The following LRCH2 variants were observed in gnomAD, a reference collection of about 807,000 sequenced individuals.
LRCH2 encodes leucine rich repeats and calponin homology domain containing 2, also known as leucine-rich repeat and calponin homology domain-containing protein 2.
A neutral mutation model predicts 68.9 loss-of-function variants in LRCH2; 38 were observed. The ratio of observed to expected loss-of-function variants is 0.55; its 90% CI spans 0.43 to 0.72. The LOEUF (loss-of-function observed/expected upper bound fraction) is 0.72, where lower values mean the gene tolerates loss of function less well. Ranked by LOEUF, LRCH2 falls within the 30% of genes least tolerant of loss-of-function variation. The pLI, the probability that LRCH2 is intolerant of heterozygous loss-of-function variation, is 0.00. For missense variants in LRCH2, 528 were observed against 572.9 expected (o/e 0.92, Z 0.80); for synonymous variants, 191 against 208.1 (o/e 0.92, Z 0.71).
chrX:115,190,546 G>C (rs1297229228), intron 1 of LRCH2: 1 of 1,158,876 alleles, frequency 8.6e-7, no homozygotes, highest in South Asian at 1.9e-5. Context: ...CTATAGTGGG[G>C]GCCGCAGCAG....
At chrX:115,195,402 A>G (rs2072880157) in intron 1 of LRCH2, among the ~76,000 whole-genome samples, 1 of 108,964 alleles carries the variant, frequency 9.2e-6, no homozygotes, top group Non-Finnish European at 1.9e-5. Flanking sequence ...GCTATCAGGA[A>G]GGCCAACACT....
chrX:115,192,308 C>T lies in LRCH2; in HGVS notation c.350-3938G>A, dbSNP rs183155341. 9.3e-4 allele frequency: 1,082 copies of T among 1,157,611 alleles called. 4 individuals are homozygous for T. In the African/African-American group the frequency reaches 0.017, roughly 18 times the overall value. ...CGCTACGAGGAGTACCGAGGCCCCT[C>T]GCCTGACGCCCACAGTGGGGGCCGC... is the stretch of plus-strand genomic sequence containing the variant. On this transcript the variant is annotated intron_variant, in intron 1 of 20. Coordinates refer to ENST00000317135, the MANE Select transcript of LRCH2 (RefSeq NM_020871.4).
chrX:115,117,804 C>A (rs1556524538), intron 20 of LRCH2, among the ~76,000 whole-genome samples: 1 of 110,760 alleles, frequency 9.0e-6, no homozygotes, highest in Non-Finnish European at 1.9e-5. Flanking sequence ...ATTGCAAAGA[C>A]ACATGAGGAA....
chrX:115,166,468 G>T, intron 6 of LRCH2, 126 bp from the exon 7 acceptor site: 1 of 436,491 alleles, frequency 2.3e-6, no homozygotes, highest in Non-Finnish European at 3.9e-6. Flanking sequence ...CTTAATTAGG[G>T]ACATGAGGAG....
rs937496960 is a variant in LRCH2, at chrX:115,156,550, G to A, written c.1529+52C>T. 3.4e-5 allele frequency: 28 copies of A among 830,933 alleles called. No individual in the cohort carries two copies. The Middle Eastern group carries it at 9.3e-4, about 28-fold the overall frequency. 68.5% of individuals were successfully genotyped at this position (830,933 alleles called of 1,213,427 possible). A position where few individuals can be genotyped will look rare whatever the true frequency, so the allele number is the denominator to read the frequency against. Reference sequence around the variant, plus strand: ...ATATACAAAAACATCACTGTCAAAGGATCAATACTCATTATAAAATATTAA... The same window carrying A: ...ATATACAAAAACATCACTGTCAAAGAATCAATACTCATTATAAAATATTAA... On this transcript the variant is annotated intron_variant, in intron 12 of 20. Transcript: ENST00000317135.
At chrX:115,216,309 G>C (rs1246343656) in intron 1 of LRCH2, among the ~76,000 whole-genome samples, 1 of 111,489 alleles carries the variant, frequency 9.0e-6, no homozygotes, top group Admixed American at 9.6e-5. Context: ...GATGAGTGTT[G>C]GGAATATAAA....
intron 1 of LRCH2, among the ~76,000 whole-genome samples, chrX:115,212,611 T>A (rs1017989518): frequency 9.1e-6 from 1 of 110,060 alleles, no homozygotes; most frequent in African/African-American, 3.3e-5. Flanking sequence ...GCAGTGCTAT[T>A]GCCTCAGCCT....
At chrX:115,125,199 G>A in intron 16 of LRCH2, among the ~76,000 whole-genome samples, 1 of 107,789 alleles carries the variant, frequency 9.3e-6, no homozygotes, top group East Asian at 2.9e-4. Flanking sequence ...TTGAGGCCAG[G>A]AGTTCAAGAC....
chrX:115,184,370 ATT>A, intron 3 of LRCH2, 39 bp downstream of exon 3: 3 of 1,015,159 alleles, frequency 3.0e-6, no homozygotes, highest in Non-Finnish European at 3.9e-6. Context: ...ATGTAGATAT[ATT>A]ACGCATATTG....
At chrX:115,167,305 T>C (rs2072571170) in intron 6 of LRCH2, among the ~76,000 whole-genome samples, 1 of 106,128 alleles carries the variant, frequency 9.4e-6, no homozygotes, top group South Asian at 4.1e-4. Context: ...AAGTATCAGG[T>C]ACTATGCTGA....
intron 1 of LRCH2, among the ~76,000 whole-genome samples, chrX:115,199,468 A>G (rs1279217661): frequency 8.9e-6 from 1 of 112,542 alleles, no homozygotes; most frequent in Non-Finnish European, 1.9e-5. Context: ...AAGACAGTCC[A>G]CACAAACAAA....
intron 17 of LRCH2, 110 bp from the exon 18 acceptor site, chrX:115,123,302 C>A: frequency 2.0e-6 from 1 of 497,967 alleles, no homozygotes; most frequent in Non-Finnish European, 3.3e-6. Flanking sequence ...AATATTATTA[C>A]TCACTAATAC....
rs138534719 is a variant in LRCH2 at position 115,142,168 on chromosome X, C to A, written c.1695+7659G>T. On this transcript the variant is annotated intron_variant, in intron 14 of 20. Transcript: ENST00000317135. Reference sequence around the variant, plus strand: ...TACTGGGGCACTCAGATATATAAAGCAAATATTATTGGAGCTCAAGAGAGA... The same window carrying A: ...TACTGGGGCACTCAGATATATAAAGAAAATATTATTGGAGCTCAAGAGAGA... Among the ~76,000 whole-genome samples, 1,048 of 111,613 alleles carry A rather than the reference C, an allele frequency of 9.4e-3. 13 individuals are homozygous for A. Among genetic ancestry groups the A allele is most frequent in the African/African-American group, 0.032 (988 of 30,730 alleles).
intron 1 of LRCH2, 46 bp downstream of exon 1, chrX:115,233,647 G>A: frequency 9.2e-7 from 1 of 1,087,641 alleles, no homozygotes. Context: ...CCCACTCCCC[G>A]CACCTCCTCC....
intron 3 of LRCH2, among the ~76,000 whole-genome samples, chrX:115,182,950 C>T (rs782317061): frequency 4.6e-5 from 5 of 109,665 alleles, no homozygotes; most frequent in African/African-American, 1.7e-4. Context: ...ATGGTAGTCC[C>T]AGGCCCAATG....
In LRCH2 at chrX:115,233,865, C is replaced by T. The variant is rs374887108; in HGVS notation, c.177G>A (p.Pro59=). The T allele has an allele frequency of 6.9e-6, 8 of 1,164,406 alleles. No individual in the cohort carries two copies. The highest frequency in any genetic ancestry group is 2.4e-4 in the Middle Eastern group (1 of 4,097). The change falls in exon 1 of 21, where the codon CCG becomes CCA. Residue 59 remains proline, a synonymous_variant. Transcript: ENST00000317135. ...PIPVPTLFGQ[P]FPNGPPWNPG... ...GGTTCCACGGCGGCCCGTTGGGGAA[C>T]GGCTGACCGAAAAGAGTCGGTACCG...
intron 7 of LRCH2, 136 bp downstream of exon 7, chrX:115,166,119 C>CT: frequency 1.5e-6 from 1 of 652,755 alleles, no homozygotes; most frequent in Non-Finnish European, 2.3e-6. Flanking sequence ...TCAGCATGCC[C>CT]TTTTTTTCAG....
intron 14 of LRCH2, among the ~76,000 whole-genome samples, chrX:115,146,468 T>C (rs782792073): frequency 9.0e-6 from 1 of 111,042 alleles, no homozygotes; most frequent in East Asian, 2.8e-4. Flanking sequence ...AAGGAATAGA[T>C]ACCCCATTCC....
At position 115,113,109 on chromosome X, in the gene LRCH2, AC is replaced by A; in HGVS notation, c.*106del. On this transcript the variant is annotated 3_prime_UTR_variant, in exon 21 of 21. Coordinates refer to ENST00000317135, the MANE Select transcript of LRCH2 (RefSeq NM_020871.4). ...AATTTTTTTAAAATCCTAAGGCGTG[AC>A]CTAAGGCAAACTATTTTTGACGGAA... 3 of 758,650 alleles carry A rather than the reference AC, an allele frequency of 4.0e-6. No homozygotes were observed. The highest frequency in any genetic ancestry group is 5.4e-6 in the Non-Finnish European group (3 of 559,112). The allele number at this position is 758,650 out of a possible 1,213,427, so 62.5% of individuals were successfully genotyped here. A position where few individuals can be genotyped will look rare whatever the true frequency, so the allele number is the denominator to read the frequency against.
Sources: allele counts gnomAD v4.1 joint callset (sites outside exome capture counted in the v4.1 genomes callset), GRCh38; gene constraint gnomAD v4.1.1; transcripts MANE v1.5; gene names NCBI Gene and HGNC (gene_info 2026-07-23, HGNC 2026-07-21).